The following ITPR2 variants were observed in gnomAD, a reference collection of about 807,000 sequenced individuals.
ITPR2 encodes the protein inositol 1,4,5-trisphosphate-gated calcium channel ITPR2.
In ITPR2, 207 loss-of-function variants were observed where a neutral mutation model predicts 317.1. That is an observed-to-expected ratio of 0.65 (90% confidence interval 0.58 to 0.73). The LOEUF (loss-of-function observed/expected upper bound fraction) is 0.73. Ranked by LOEUF, ITPR2 falls within the 30% of genes least tolerant of loss-of-function variation. The pLI, the probability that ITPR2 is intolerant of heterozygous loss-of-function variation, is 0.00. For synonymous variants in ITPR2, 1,156 were observed against 1,149.1 expected, an observed-to-expected ratio of 1.01 and a Z score of -0.12; for missense variants, 2,613 against 3,284.0, an observed-to-expected ratio of 0.80 and a Z score of 4.99.
intron 55 of ITPR2, among the ~76,000 whole-genome samples, chr12:26,379,295 G>A (rs1169672820): frequency 4.6e-5 from 7 of 152,146 alleles, no homozygotes; most frequent in African/African-American, 1.4e-4. Context: ...GCATAGCACA[G>A]GCACTTATCT....
chr12:26,342,706 T>C (rs893925940), intron 55 of ITPR2, among the ~76,000 whole-genome samples: 1 of 152,136 alleles, frequency 6.6e-6, no homozygotes, highest in Admixed American at 6.5e-5. Context: ...GCCCCCTGGA[T>C]TCAAGTGATT....
chr12:26,721,703 C>G lies in ITPR2; in HGVS notation c.525+694G>C, dbSNP rs541677820. 1.2e-3 allele frequency among the ~76,000 whole-genome samples: 183 copies of G among 152,160 alleles called. 3 individuals are homozygous for G. The highest frequency in any genetic ancestry group is 3.2e-4 in the Non-Finnish European group (22 of 67,996). ...TATTGACTATTTCTCATAATTTATT[C>G]TCTATTTTATAAAGTAGCAGAAAAT... On this transcript the variant is annotated intron_variant, in intron 5 of 56. Coordinates refer to ENST00000381340, the MANE Select transcript of ITPR2 (RefSeq NM_002223.4).
At chr12:26,591,359 A>C (rs1945698773) in intron 32 of ITPR2, among the ~76,000 whole-genome samples, 1 of 152,192 alleles carries the variant, frequency 6.6e-6, no homozygotes, top group Non-Finnish European at 1.5e-5. Flanking sequence ...ATCACAAGAG[A>C]AATGCAAATC....
chr12:26,509,433 T>C (rs1943270882), intron 37 of ITPR2, among the ~76,000 whole-genome samples: 1 of 152,174 alleles, frequency 6.6e-6, no homozygotes, highest in Non-Finnish European at 1.5e-5. Context: ...ATAAAATAAA[T>C]CCATTAGATT....
chr12:26,524,207 C>A (rs1943746221), intron 37 of ITPR2, among the ~76,000 whole-genome samples: 1 of 152,108 alleles, frequency 6.6e-6, no homozygotes, highest in African/African-American at 2.4e-5. Context: ...AGTATCTCTG[C>A]CATTTCAAAG....
At chr12:26,399,995 C>G (rs1160678945) in intron 53 of ITPR2, 133 bp downstream of exon 53, 8 of 840,032 alleles carry the variant, frequency 9.5e-6, no homozygotes, top group Non-Finnish European at 1.2e-5. Flanking sequence ...TTGGCTTTAA[C>G]AGCCATGGTT....
chr12:26,761,009 T>C lies in ITPR2; in HGVS notation c.163+29148A>G, dbSNP rs143504980. ...GACCCAGGTTCTAACCTGGCTCCCA[T>C]AGGTTCAGGCTTAAGGGCCACCCCA... On this transcript the variant is annotated intron_variant, in intron 2 of 56. Coordinates refer to ENST00000381340, the MANE Select transcript of ITPR2 (RefSeq NM_002223.4). 4.6e-4 allele frequency among the ~76,000 whole-genome samples: 70 copies of C among 152,032 alleles called. 1 individual carries two copies. In the East Asian group the frequency reaches 9.7e-3, roughly 21 times the overall value.
chr12:26,612,602 G>A (rs1315589309), intron 26 of ITPR2, among the ~76,000 whole-genome samples: 1 of 152,058 alleles, frequency 6.6e-6, no homozygotes, highest in Non-Finnish European at 1.5e-5. Flanking sequence ...CATTATATAG[G>A]TACCATTCTC....
At chr12:26,568,242 G>T (rs1376869611) in intron 34 of ITPR2, among the ~76,000 whole-genome samples, 1 of 150,988 alleles carries the variant, frequency 6.6e-6, no homozygotes, top group Non-Finnish European at 1.5e-5. Flanking sequence ...TCACTTCTAA[G>T]TTGGAACGCA....
intron 1 of ITPR2, among the ~76,000 whole-genome samples, chr12:26,801,460 T>C (rs1299477305): frequency 6.6e-6 from 1 of 152,184 alleles, no homozygotes; most frequent in Non-Finnish European, 1.5e-5. Flanking sequence ...TATGATATGA[T>C]TGGCATTATG....
rs550557630 is a variant in ITPR2 at position 26,505,271 on chromosome 12, T to C, written c.5074-10011A>G. Among the ~76,000 whole-genome samples the C allele has an allele frequency of 5.9e-5, 9 of 152,304 alleles. No individual in the cohort carries two copies. The South Asian group carries it at 6.2e-4, about 11-fold the overall frequency. On this transcript the variant is annotated intron_variant, in intron 37 of 56. Coordinates refer to ENST00000381340, the MANE Select transcript of ITPR2 (RefSeq NM_002223.4). ...CTCTTTGAATCCTGGCTAAAATCCA[T>C]AGCATTACTTTAGGGGATGATACAC...
chr12:26,540,688 A>T (rs987583589), intron 37 of ITPR2, among the ~76,000 whole-genome samples: 5 of 152,190 alleles, frequency 3.3e-5, no homozygotes, highest in Non-Finnish European at 7.3e-5. Flanking sequence ...AGTAAAGTAA[A>T]TGTGAGGCAC....
chr12:26,728,813 C>T (rs771686260), intron 2 of ITPR2, among the ~76,000 whole-genome samples: 2 of 152,172 alleles, frequency 1.3e-5, no homozygotes, highest in African/African-American at 2.4e-5. Context: ...GAATGTAAGG[C>T]ATTATTATTG....
intron 1 of ITPR2, among the ~76,000 whole-genome samples, chr12:26,830,327 C>T (rs1489553728): frequency 6.6e-6 from 1 of 152,218 alleles, no homozygotes. Flanking sequence ...CAAATGCATA[C>T]TAAGGAAGCT....
chr12:26,582,754 T>A (rs1178232851), intron 32 of ITPR2, among the ~76,000 whole-genome samples: 1 of 152,150 alleles, frequency 6.6e-6, no homozygotes, highest in Non-Finnish European at 1.5e-5. Context: ...GCTGGGCTGA[T>A]CCTCTAAAAT....
intron 55 of ITPR2, among the ~76,000 whole-genome samples, chr12:26,349,621 A>G (rs887338349): frequency 1.3e-5 from 2 of 152,270 alleles, no homozygotes; most frequent in African/African-American, 4.8e-5. Context: ...GCAATATGAC[A>G]AACAGAAAGC....
chr12:26,504,043 C>T (rs895005052), intron 37 of ITPR2, among the ~76,000 whole-genome samples: 4 of 152,150 alleles, frequency 2.6e-5, no homozygotes, highest in Admixed American at 1.3e-4. Context: ...TTAAAAATAA[C>T]ACTTACTTGT....
chr12:26,616,500 A>G (rs999748348), intron 26 of ITPR2, among the ~76,000 whole-genome samples: 7 of 152,170 alleles, frequency 4.6e-5, no homozygotes, highest in Non-Finnish European at 1.0e-4. Flanking sequence ...CAATGGAAAA[A>G]TTTTTAGTAT....
intron 2 of ITPR2, among the ~76,000 whole-genome samples, chr12:26,745,490 G>A (rs762517623): frequency 2.0e-4 from 31 of 152,264 alleles, no homozygotes; most frequent in South Asian, 6.2e-4. Context: ...CTGCTTGTGA[G>A]GACAATTGCT....
Sources: allele counts gnomAD v4.1 joint callset (sites outside exome capture counted in the v4.1 genomes callset), GRCh38; gene constraint gnomAD v4.1.1; transcripts MANE v1.5; gene names NCBI Gene and HGNC (gene_info 2026-07-23, HGNC 2026-07-21).